Variants in CHRM3 observed in about 807,000 individuals in gnomAD.
CHRM3 encodes the protein muscarinic acetylcholine receptor M3.
A neutral mutation model predicts 41.8 loss-of-function variants in CHRM3; 11 were observed. The ratio of observed to expected loss-of-function variants is 0.26; its 90% CI spans 0.17 to 0.44. The LOEUF is 0.44. Among genes scored for constraint, CHRM3 ranks in the 20% least tolerant of loss-of-function variants. The pLI is 1.00. For missense variants in CHRM3, 571 were observed against 745.4 expected (o/e 0.77, Z 2.72); for synonymous variants, 297 against 301.4 (o/e 0.99, Z 0.15).
intron 3 of CHRM3, among the ~76,000 whole-genome samples, chr1:239,550,129 A>G (rs1363439527): frequency 1.3e-5 from 2 of 152,008 alleles, no homozygotes; most frequent in Non-Finnish European, 2.9e-5. Flanking sequence ...AGCCCCACCT[A>G]GCAGCAGCAA....
At chr1:239,485,824 C>A (rs1667151812) in intron 1 of CHRM3, among the ~76,000 whole-genome samples, 2 of 152,288 alleles carry the variant, frequency 1.3e-5, no homozygotes, top group Admixed American at 6.5e-5. Context: ...TAGAAGATTG[C>A]TCTTCCACCT....
At chr1:239,887,072 CCTTTA>C (rs1456423097) in intron 6 of CHRM3, among the ~76,000 whole-genome samples, 1 of 152,110 alleles carries the variant, frequency 6.6e-6, no homozygotes, top group Non-Finnish European at 1.5e-5. Context: ...CAGCTGGGCT[CCTTTA>C]CTTTATAGGG....
At chr1:239,692,173 G>A (rs1659782531) in intron 5 of CHRM3, among the ~76,000 whole-genome samples, 1 of 152,130 alleles carries the variant, frequency 6.6e-6, no homozygotes, top group South Asian at 2.1e-4. Context: ...GATACATTTA[G>A]GCATGTGTTT....
chr1:239,678,869 C>G (rs1380440083), intron 5 of CHRM3, among the ~76,000 whole-genome samples: 1 of 152,072 alleles, frequency 6.6e-6, no homozygotes, highest in Non-Finnish European at 1.5e-5. Context: ...AAAAAATATG[C>G]TGTTTGATAA....
At chr1:239,491,651 G>A (rs921187917) in intron 1 of CHRM3, among the ~76,000 whole-genome samples, 17 of 152,162 alleles carry the variant, frequency 1.1e-4, no homozygotes, top group Non-Finnish European at 2.4e-4. Context: ...AGCATAGGAG[G>A]GCAGATGTCT....
intron 5 of CHRM3, among the ~76,000 whole-genome samples, chr1:239,809,036 T>TTTTG (rs1670895870): frequency 7.1e-6 from 1 of 140,142 alleles, no homozygotes; most frequent in African/African-American, 2.9e-5. Flanking sequence ...TTTTTTTTTT[T>TTTTG]TGAGACAGAG....
At chr1:239,526,788 A>G (rs541542368) in intron 2 of CHRM3, among the ~76,000 whole-genome samples, 1 of 152,290 alleles carries the variant, frequency 6.6e-6, no homozygotes, top group East Asian at 1.9e-4. Context: ...AATAATGACG[A>G]GAATAATTAA....
chr1:239,494,456 G>T (rs1026085426), intron 2 of CHRM3, among the ~76,000 whole-genome samples: 1 of 151,918 alleles, frequency 6.6e-6, no homozygotes, highest in South Asian at 2.1e-4. Context: ...GTGAAGATAC[G>T]TACATAAAAA....
intron 1 of CHRM3, among the ~76,000 whole-genome samples, chr1:239,467,564 T>A (rs1222546461): frequency 6.6e-6 from 1 of 152,204 alleles, no homozygotes; most frequent in East Asian, 1.9e-4. Context: ...CCTCCCAAAG[T>A]GCTGGAATCA....
chr1:239,455,556 G>A (rs1664868665), intron 1 of CHRM3, among the ~76,000 whole-genome samples: 1 of 151,952 alleles, frequency 6.6e-6, no homozygotes, highest in South Asian at 2.1e-4. Flanking sequence ...GTTACGGTGT[G>A]TGTTTCTGTC....
rs201656302 is a variant in CHRM3 at position 239,908,293 on chromosome 1, T to A, written c.842T>A (p.Val281Asp). 1 of 1,613,960 alleles carries A rather than the reference T, an allele frequency of 6.2e-7. No homozygotes were observed. Among genetic ancestry groups the A allele is most frequent in the African/African-American group, 1.3e-5 (1 of 74,904 alleles). Residue 281 changes from valine (V) to aspartate (D), a missense_variant, in exon 7 of 7, where the codon GTC (valine) becomes GAC (aspartate). Val to Asp is a radical substitution (Grantham distance 152). This residue lies in a region of CHRM3 where 153 missense variants were observed against 296.3 expected (regional missense o/e 0.52). Coordinates refer to ENST00000676153, the MANE Select transcript of CHRM3 (RefSeq NM_001375978.1). This position sits in a 1 kb window ranked among gnomAD's most constrained non-coding sequence, Gnocchi z 7.2. ...SGTEAETENF[V>D]HPTGSSRSCS... is the part of the protein sequence containing the mutation. ...ACAGAGGCAGAGACAGAAAACTTTG[T>A]CCACCCCACGGGCAGTTCTCGAAGC...
At chr1:239,805,060 A>T (rs1471854679) in intron 5 of CHRM3, among the ~76,000 whole-genome samples, 1 of 152,184 alleles carries the variant, frequency 6.6e-6, no homozygotes, top group Non-Finnish European at 1.5e-5. Flanking sequence ...ACCTAAAACA[A>T]GTCATAATGA....
intron 5 of CHRM3, among the ~76,000 whole-genome samples, chr1:239,709,481 G>A (rs1193455132): frequency 6.6e-6 from 1 of 152,128 alleles, no homozygotes; most frequent in Non-Finnish European, 1.5e-5. Context: ...GTGCCCACCA[G>A]TAGAATAAAG....
intron 3 of CHRM3, among the ~76,000 whole-genome samples, chr1:239,577,802 A>G (rs1288496868): frequency 6.6e-6 from 1 of 152,138 alleles, no homozygotes; most frequent in Non-Finnish European, 1.5e-5. Flanking sequence ...ACCATGCATT[A>G]TCTTGAAGGA....
At chr1:239,773,459 CA>C (rs1667847791) in intron 5 of CHRM3, among the ~76,000 whole-genome samples, 2 of 152,166 alleles carry the variant, frequency 1.3e-5, no homozygotes, top group Admixed American at 6.5e-5. Flanking sequence ...ATTAAGAGAA[CA>C]GCCTCTTTCC....
intron 1 of CHRM3, among the ~76,000 whole-genome samples, chr1:239,415,272 T>C (rs939368661): frequency 6.6e-6 from 1 of 152,130 alleles, no homozygotes; most frequent in African/African-American, 2.4e-5. Context: ...AAACTCCGTC[T>C]CTACTAAAAA....
At chr1:239,835,909 T>C (rs74513976) in intron 6 of CHRM3, among the ~76,000 whole-genome samples, 1 of 152,254 alleles carries the variant, frequency 6.6e-6, no homozygotes, top group African/African-American at 2.4e-5. Flanking sequence ...GGAGACTCAA[T>C]GTCAAGCTAA....
At chr1:239,824,656 AG>A (rs1175645901) in intron 5 of CHRM3, among the ~76,000 whole-genome samples, 2 of 152,262 alleles carry the variant, frequency 1.3e-5, no homozygotes, top group Non-Finnish European at 2.9e-5. Flanking sequence ...ACCAAAAGTC[AG>A]CCTTGTAAAA....
chr1:239,793,828 T>C (rs1167481702), intron 5 of CHRM3, among the ~76,000 whole-genome samples: 4 of 126,740 alleles, frequency 3.2e-5, no homozygotes, highest in Admixed American at 8.4e-5. Flanking sequence ...TTTTTTTTTT[T>C]GGTGATAAGA....
Sources: allele counts gnomAD v4.1 joint callset (sites outside exome capture counted in the v4.1 genomes callset), GRCh38; gene constraint gnomAD v4.1.1; regional missense constraint gnomAD v4.1.1; non-coding constraint Gnocchi (gnomAD v3.1); transcripts MANE v1.5; gene names NCBI Gene and HGNC (gene_info 2026-07-23, HGNC 2026-07-21).